Variants in FMN1 observed in about 807,000 individuals in gnomAD.
FMN1 encodes formin 1, also known as formin-1.
FMN1 carries 110 observed loss-of-function variants against 132.4 expected under a neutral mutation model. The ratio of observed to expected loss-of-function variants is 0.83; its 90% CI spans 0.71 to 0.97. The LOEUF (loss-of-function observed/expected upper bound fraction) is 0.97. Ranked by LOEUF, FMN1 falls within the 50% of genes least tolerant of loss-of-function variation. The pLI, the probability that FMN1 is intolerant of heterozygous loss-of-function variation, is 0.00. For synonymous variants in FMN1, 722 were observed against 651.7 expected, an observed-to-expected ratio of 1.11 and a Z score of -1.64; for missense variants, 1,792 against 1,705.3, an observed-to-expected ratio of 1.05 and a Z score of -0.90.
At position 32,773,578 on chromosome 15, in the gene FMN1, G is replaced by A. The variant is rs576661995; in HGVS notation, c.*732C>T. 1 of 152,132 alleles carries A rather than the reference G, an allele frequency of 6.6e-6. No homozygotes were observed. The highest frequency in any genetic ancestry group is 1.5e-5 in the Non-Finnish European group (1 of 68,066). The allele number at this position is 152,132 out of a possible 1,614,324, so 9.4% of individuals were successfully genotyped here. A position where few individuals can be genotyped will look rare whatever the true frequency, so the allele number is the denominator to read the frequency against. ...CTGCTGGCCCAGAAAAACCACAAAG[G>A]ACCGATGTAAAAACAAGAATGGGCC... On this transcript the variant is annotated 3_prime_UTR_variant, in exon 21 of 21. Coordinates refer to ENST00000616417, the MANE Select transcript of FMN1 (RefSeq NM_001277313.2).
chr15:32,935,699 C>T (rs544575942), intron 9 of FMN1, among the ~76,000 whole-genome samples: 1 of 151,834 alleles, frequency 6.6e-6, no homozygotes, highest in African/African-American at 2.4e-5. Flanking sequence ...GTGATCTTGG[C>T]TCACTGTAAC....
chr15:32,847,369 T>C lies in FMN1; in HGVS notation c.3928+9646A>G, dbSNP rs539200750. Among the ~76,000 whole-genome samples, 3 of 152,228 alleles carry C rather than the reference T, an allele frequency of 2.0e-5. No homozygotes were observed. In the East Asian group the frequency reaches 5.8e-4, roughly 29 times the overall value. ...TTAATGATACTTATCTGACAAATAA[T>C]ATCTTACCTCCAAACCCAACCACTA... On this transcript the variant is annotated intron_variant, in intron 17 of 20. Coordinates refer to ENST00000616417, the MANE Select transcript of FMN1 (RefSeq NM_001277313.2).
chr15:33,099,182 T>C (rs1007334743), intron 4 of FMN1, among the ~76,000 whole-genome samples: 2 of 152,140 alleles, frequency 1.3e-5, no homozygotes, highest in African/African-American at 4.8e-5. Flanking sequence ...TCTCAGCTAC[T>C]CTGGAGGCTG....
intron 19 of FMN1, among the ~76,000 whole-genome samples, chr15:32,778,197 TAC>T (rs2056548367): frequency 7.3e-6 from 1 of 137,490 alleles, no homozygotes; most frequent in Non-Finnish European, 1.5e-5. Context: ...TATTATATAA[TAC>T]ATTTATTTAT....
chr15:33,151,308 T>A, intron 4 of FMN1: 1 of 1,536,452 alleles, frequency 6.5e-7, no homozygotes, highest in African/African-American at 1.4e-5. Flanking sequence ...TTTATAAGGT[T>A]AGAAGCACAG....
At chr15:32,906,974 C>G (rs977367121) in intron 12 of FMN1, among the ~76,000 whole-genome samples, 2 of 152,148 alleles carry the variant, frequency 1.3e-5, no homozygotes, top group African/African-American at 2.4e-5. Context: ...CCAGAATTCT[C>G]TTCCCAACTC....
At chr15:33,027,254 C>T (rs1232849830) in intron 6 of FMN1, among the ~76,000 whole-genome samples, 3 of 152,100 alleles carry the variant, frequency 2.0e-5, no homozygotes, top group Admixed American at 6.6e-5. Context: ...TGAGCTATAC[C>T]TATTTTCTAT....
chr15:33,051,091 A>G (rs1305396844), intron 6 of FMN1, among the ~76,000 whole-genome samples: 1 of 152,192 alleles, frequency 6.6e-6, no homozygotes, highest in Non-Finnish European at 1.5e-5. Flanking sequence ...CCCCCCCTTT[A>G]AGAAGGCAGA....
intron 6 of FMN1, among the ~76,000 whole-genome samples, chr15:33,048,644 A>AAAAACAAAAACAAAAAC (rs1555388958): frequency 1.2e-5 from 1 of 86,920 alleles, no homozygotes; most frequent in Non-Finnish European, 2.4e-5. Flanking sequence ...AAAAAAAAAA[A>AAAAACAAAAACAAAAAC]AAAAACCAAC....
chr15:32,956,471 T>A (rs74371809), intron 9 of FMN1, among the ~76,000 whole-genome samples: 1,794 of 152,248 alleles, frequency 0.012, 36 homozygotes, highest in African/African-American at 0.041. Context: ...GTGCCTGTCA[T>A]GGAGCTCCTG....
chr15:33,050,862 T>C (rs2036935249), intron 6 of FMN1, among the ~76,000 whole-genome samples: 1 of 152,256 alleles, frequency 6.6e-6, no homozygotes, highest in South Asian at 2.1e-4. Context: ...TATGGAATAC[T>C]ATGCAGCCAT....
intron 7 of FMN1, among the ~76,000 whole-genome samples, chr15:32,995,594 CATT>C (rs771165979): frequency 2.0e-5 from 3 of 152,164 alleles, no homozygotes; most frequent in Non-Finnish European, 2.9e-5. Context: ...TTATTATCAT[CATT>C]ATTACCATCA....
chr15:33,052,415 G>C (rs1322053874), intron 6 of FMN1, among the ~76,000 whole-genome samples: 1 of 152,166 alleles, frequency 6.6e-6, no homozygotes, highest in Non-Finnish European at 1.5e-5. Flanking sequence ...AAATACACGT[G>C]CATGGAATCA....
chr15:32,932,012 T>C (rs1245450874), intron 9 of FMN1, among the ~76,000 whole-genome samples: 1 of 152,254 alleles, frequency 6.6e-6, no homozygotes, highest in Non-Finnish European at 1.5e-5. Context: ...TAATATATCA[T>C]ATTGATAAAT....
intron 10 of FMN1, among the ~76,000 whole-genome samples, chr15:32,919,027 A>G (rs975979094): frequency 6.6e-6 from 1 of 152,234 alleles, no homozygotes; most frequent in African/African-American, 2.4e-5. Context: ...CCTATATTTA[A>G]TAAGTTAATT....
intron 4 of FMN1, among the ~76,000 whole-genome samples, chr15:33,111,887 A>T (rs917727636): frequency 6.6e-6 from 1 of 152,160 alleles, no homozygotes; most frequent in Non-Finnish European, 1.5e-5. Flanking sequence ...GTACAACTGA[A>T]TATATTAGAA....
intron 18 of FMN1, 64 bp from the exon 19 acceptor site, chr15:32,799,017 A>G: frequency 1.5e-6 from 2 of 1,371,822 alleles, no homozygotes; most frequent in Non-Finnish European, 2.0e-6. Context: ...ACTAAAATCC[A>G]TTAGAGGGGG....
intron 9 of FMN1, among the ~76,000 whole-genome samples, chr15:32,957,571 T>C (rs1206475472): frequency 6.6e-6 from 1 of 152,098 alleles, no homozygotes; most frequent in Non-Finnish European, 1.5e-5. Flanking sequence ...CAAACAAGAA[T>C]AATCTAGAGA....
intron 16 of FMN1, among the ~76,000 whole-genome samples, chr15:32,869,340 T>C (rs2059462594): frequency 6.6e-6 from 1 of 152,102 alleles, no homozygotes; most frequent in African/African-American, 2.4e-5. Context: ...TTAGGAAAAG[T>C]GTCACAGACA....
Sources: allele counts gnomAD v4.1 joint callset (sites outside exome capture counted in the v4.1 genomes callset), GRCh38; gene constraint gnomAD v4.1.1; transcripts MANE v1.5; gene names NCBI Gene and HGNC (gene_info 2026-07-23, HGNC 2026-07-21).